DNAJC13: variants seen among roughly 807,000 people sequenced by gnomAD.
DNAJC13 encodes the protein dnaJ homolog subfamily C member 13.
Under a neutral mutation model 290.5 loss-of-function variants are expected in DNAJC13, and 75 were observed. That is an observed-to-expected ratio of 0.26 (90% confidence interval 0.21 to 0.31). The LOEUF (loss-of-function observed/expected upper bound fraction) is 0.31, where lower values mean the gene tolerates loss of function less well. Among genes scored for constraint, DNAJC13 ranks in the 10% least tolerant of loss-of-function variants. The pLI is 1.00. For missense variants in DNAJC13, 2,260 were observed against 2,674.5 expected (o/e 0.85, Z 3.42); for synonymous variants, 862 against 892.0 (o/e 0.97, Z 0.60).
At chr3:132,507,411 A>T in intron 43 of DNAJC13, 58 bp downstream of exon 43, 1 of 1,010,170 alleles carries the variant, frequency 9.9e-7, no homozygotes, top group Non-Finnish European at 1.6e-6. Context: ...ACTGAAAGTT[A>T]CTAGTTTATT....
chr3:132,472,060 C>T (rs1489124395), intron 20 of DNAJC13, among the ~76,000 whole-genome samples: 2 of 150,524 alleles, frequency 1.3e-5, no homozygotes, highest in African/African-American at 4.9e-5. Context: ...GCCCGGCCAA[C>T]ACAGCGAAAC....
chr3:132,496,562 T>A lies in DNAJC13; in HGVS notation c.4055T>A (p.Phe1352Tyr), dbSNP rs1935239732. 1 of 1,603,926 alleles carries A rather than the reference T, an allele frequency of 6.2e-7. No individual in the cohort carries two copies. The highest frequency in any genetic ancestry group is 1.3e-5 in the African/African-American group (1 of 74,452). Residue 1352 changes from phenylalanine to tyrosine, a missense_variant, in exon 36 of 56, where the codon TTT becomes TAT. By Grantham distance (22) the Phe-to-Tyr change is conservative. Around this residue, in one of 3 missense-constraint regions of DNAJC13, gnomAD observed 1,494 missense variants for 1,693.7 expected, o/e 0.88. Transcript: ENST00000260818. The part of the protein sequence containing the change: ...MFEKVNKAYE[F>Y]LCTKSAKIVD... ...GAAAAAGTAAATAAAGCATATGAAT[T>A]TTTATGTACCAAATCAGCAAAAATA...
chr3:132,473,996 A>T (rs1934375967), intron 21 of DNAJC13, among the ~76,000 whole-genome samples: 1 of 152,160 alleles, frequency 6.6e-6, no homozygotes, highest in Admixed American at 6.5e-5. Context: ...TGTGAAACCC[A>T]TTCATCCCCA....
intron 4 of DNAJC13, among the ~76,000 whole-genome samples, chr3:132,447,692 G>A (rs1933297012): frequency 6.6e-6 from 1 of 151,992 alleles, no homozygotes; most frequent in Admixed American, 6.6e-5. Flanking sequence ...AATTGCATAT[G>A]CAGGAGAAAG....
Position 132,499,783 on chromosome 3 carries a change from G to A in DNAJC13, c.4391G>A (p.Ser1464Asn), listed in dbSNP as rs749949062. The change falls in exon 38 of 56, where the codon AGT becomes AAT. Residue 1464 changes from serine to asparagine, a missense_variant. Physicochemically the swap from Ser to Asn is conservative, Grantham distance 46. This residue lies in a region of DNAJC13 where 1,494 missense variants were observed against 1,693.7 expected (regional missense o/e 0.88). Transcript: ENST00000260818. ...SRCVAVLTRA[S>N]KPSDMSVQVC... ...TGTGTGGCTGTCTTGACTCGTGCTA[G>A]TAAACCAAGTGACATGTCAGTACAG... 2.5e-6 allele frequency: 4 copies of A among 1,614,086 alleles called. No individual in the cohort carries two copies. The South Asian group carries it at 4.4e-5, about 18-fold the overall frequency.
chr3:132,466,412 A>G lies in DNAJC13; in HGVS notation c.2064+18A>G, dbSNP rs200658494. 1.3e-6 allele frequency: 2 copies of G among 1,557,920 alleles called. No homozygotes were observed. Among genetic ancestry groups the G allele is most frequent in the East Asian group, 2.2e-5 (1 of 44,472 alleles). ...TAGCAATGGTAAATATGACTGTCCCAAGTGTGCCTTTTTTAGGAGTAAGGG... is the reference window on the plus strand; with the variant it reads ...TAGCAATGGTAAATATGACTGTCCCGAGTGTGCCTTTTTTAGGAGTAAGGG... On this transcript the variant is annotated intron_variant, in intron 19 of 55. Coordinates refer to ENST00000260818, the MANE Select transcript of DNAJC13 (RefSeq NM_015268.4).
intron 25 of DNAJC13, among the ~76,000 whole-genome samples, chr3:132,479,534 G>A (rs1934596862): frequency 6.6e-6 from 1 of 152,062 alleles, no homozygotes; most frequent in South Asian, 2.1e-4. Flanking sequence ...ACGAATAATG[G>A]ATGACTTTTA....
intron 1 of DNAJC13, among the ~76,000 whole-genome samples, chr3:132,420,950 T>C (rs1285973589): frequency 6.6e-6 from 1 of 152,240 alleles, no homozygotes; most frequent in Non-Finnish European, 1.5e-5. Flanking sequence ...CAGTCATCAT[T>C]ATACATTTTT....
At chr3:132,513,291 A>T (rs1467721786) in intron 45 of DNAJC13, among the ~76,000 whole-genome samples, 192 bp downstream of exon 45, 1 of 152,188 alleles carries the variant, frequency 6.6e-6, no homozygotes, top group Admixed American at 6.5e-5. Context: ...GCACAATTGC[A>T]CAATGTCGTT....
At chr3:132,529,802 AAG>A (rs1491508632) in intron 54 of DNAJC13, among the ~76,000 whole-genome samples, 12 of 151,826 alleles carry the variant, frequency 7.9e-5, no homozygotes, top group Admixed American at 3.9e-4. Context: ...AAAAAAAAAA[AAG>A]AGATATTAAA....
chr3:132,502,182 A>G (rs1935436157), intron 39 of DNAJC13, 107 bp from the exon 40 acceptor site: 5 of 945,354 alleles, frequency 5.3e-6, no homozygotes, highest in Non-Finnish European at 7.7e-6. Context: ...ACATTTTACA[A>G]AATAACGTGG....
At chr3:132,459,294 T>C (rs1352389611) in intron 13 of DNAJC13, among the ~76,000 whole-genome samples, 1 of 152,174 alleles carries the variant, frequency 6.6e-6, no homozygotes. Context: ...TTTTGCAACA[T>C]GGATGAACCT....
intron 54 of DNAJC13, among the ~76,000 whole-genome samples, chr3:132,530,402 C>G (rs1459486814): frequency 6.6e-6 from 1 of 152,144 alleles, no homozygotes; most frequent in Non-Finnish European, 1.5e-5. Flanking sequence ...TGTCTTTCAT[C>G]TTAGTTTAGT....
chr3:132,450,474 A>G (rs1165711735), intron 5 of DNAJC13, among the ~76,000 whole-genome samples, 173 bp from the exon 6 acceptor site: 5 of 152,182 alleles, frequency 3.3e-5, no homozygotes, highest in African/African-American at 1.2e-4. Flanking sequence ...ACATTCTTAA[A>G]CACCTCCAAA....
At chr3:132,442,815 C>T (rs1933116310) in intron 2 of DNAJC13, among the ~76,000 whole-genome samples, 1 of 152,094 alleles carries the variant, frequency 6.6e-6, no homozygotes, top group African/African-American at 2.4e-5. Context: ...AAAACAGGTG[C>T]AGTAGGTAAA....
intron 35 of DNAJC13, among the ~76,000 whole-genome samples, chr3:132,496,044 G>A (rs1192223933): frequency 6.6e-6 from 1 of 152,088 alleles, no homozygotes; most frequent in African/African-American, 2.4e-5. Context: ...CATGGAGTTA[G>A]GAGTACCTCT....
At chr3:132,497,530 G>T (rs746669189) in intron 36 of DNAJC13, among the ~76,000 whole-genome samples, 7 of 152,226 alleles carry the variant, frequency 4.6e-5, no homozygotes, top group Non-Finnish European at 7.3e-5. Flanking sequence ...TGAGGATCTA[G>T]CAGTTGGATT....
intron 1 of DNAJC13, among the ~76,000 whole-genome samples, chr3:132,421,623 G>T (rs1938962115): frequency 6.6e-6 from 1 of 151,336 alleles, no homozygotes. Flanking sequence ...TGTATTTTTA[G>T]GAGACAGAGT....
At chr3:132,516,583 A>C (rs1935926692) in intron 47 of DNAJC13, 87 bp downstream of exon 47, 1 of 1,540,136 alleles carries the variant, frequency 6.5e-7, no homozygotes, top group Non-Finnish European at 8.9e-7. Context: ...ATAAACTAGA[A>C]GAATGCTTTG....
Sources: allele counts gnomAD v4.1 joint callset (sites outside exome capture counted in the v4.1 genomes callset), GRCh38; gene constraint gnomAD v4.1.1; regional missense constraint gnomAD v4.1.1; transcripts MANE v1.5; gene names NCBI Gene and HGNC (gene_info 2026-07-23, HGNC 2026-07-21).